The following PCSK6 variants were observed in gnomAD, a reference collection of about 807,000 sequenced individuals.
PCSK6 encodes the protein proprotein convertase subtilisin/kexin type 6, also known as paired basic amino acid cleaving enzyme 4.
Under a neutral mutation model 123.3 loss-of-function variants are expected in PCSK6, and 85 were observed. The observed-to-expected ratio is 0.69, with a 90% confidence interval of 0.58 to 0.83. PCSK6 has a LOEUF of 0.83. PCSK6 is among the 40% of genes least tolerant of loss of function. PCSK6 has a pLI of 0.00. For synonymous variants in PCSK6, 508 were observed against 516.0 expected, an observed-to-expected ratio of 0.98 and a Z score of 0.21; for missense variants, 1,191 against 1,282.3, an observed-to-expected ratio of 0.93 and a Z score of 1.09.
chr15:101,433,130 C>G (rs1435225316), intron 2 of PCSK6, among the ~76,000 whole-genome samples: 1 of 152,236 alleles, frequency 6.6e-6, no homozygotes, highest in Non-Finnish European at 1.5e-5. Context: ...TGCAATAAAA[C>G]CCAGCCCCGT....
chr15:101,469,398 G>T (rs1269753681), intron 1 of PCSK6, among the ~76,000 whole-genome samples: 8 of 152,200 alleles, frequency 5.3e-5, no homozygotes, highest in Admixed American at 5.2e-4. Flanking sequence ...ACTGTGTGCA[G>T]GCGAGAAACC....
intron 2 of PCSK6, among the ~76,000 whole-genome samples, chr15:101,436,530 A>AC (rs2056606773): frequency 6.6e-6 from 1 of 152,248 alleles, no homozygotes; most frequent in Admixed American, 6.5e-5. Flanking sequence ...CTGACTGTCC[A>AC]CCAGGGCATA....
At chr15:101,438,923 T>C (rs1596333880) in intron 2 of PCSK6, among the ~76,000 whole-genome samples, 3 of 152,032 alleles carry the variant, frequency 2.0e-5, no homozygotes, top group East Asian at 3.9e-4. Flanking sequence ...CAGGGGAAGG[T>C]GGGGAGCCGT....
chr15:101,405,793 G>C (rs779350564), intron 6 of PCSK6, among the ~76,000 whole-genome samples: 1 of 151,756 alleles, frequency 6.6e-6, no homozygotes, highest in Non-Finnish European at 1.5e-5. Context: ...GCCCAGGCTG[G>C]AGTGCAGTGG....
At chr15:101,342,754 T>C (rs2040644843) in intron 13 of PCSK6, among the ~76,000 whole-genome samples, 1 of 152,214 alleles carries the variant, frequency 6.6e-6, no homozygotes, top group African/African-American at 2.4e-5. Flanking sequence ...GTACACAAAT[T>C]AGCTGGGTGT....
intron 13 of PCSK6, among the ~76,000 whole-genome samples, chr15:101,350,279 T>C (rs2040856384): frequency 6.6e-6 from 1 of 152,236 alleles, no homozygotes; most frequent in South Asian, 2.1e-4. Flanking sequence ...ATGTTTTCTT[T>C]ACGAATTGCT....
At chr15:101,403,802 C>T (rs984128810) in intron 6 of PCSK6, among the ~76,000 whole-genome samples, 3 of 152,160 alleles carry the variant, frequency 2.0e-5, no homozygotes, top group Non-Finnish European at 4.4e-5. Context: ...TCACTGCAAC[C>T]TCCGCCTCCC....
At chr15:101,482,019 C>T (rs1184555121) in intron 1 of PCSK6, among the ~76,000 whole-genome samples, 4 of 152,326 alleles carry the variant, frequency 2.6e-5, no homozygotes, top group Admixed American at 1.3e-4. Flanking sequence ...TGCACGCACC[C>T]GGTGGACAGA....
At chr15:101,385,209 G>A (rs887760232) in intron 9 of PCSK6, among the ~76,000 whole-genome samples, 1 of 152,200 alleles carries the variant, frequency 6.6e-6, no homozygotes, top group African/African-American at 2.4e-5. Flanking sequence ...GTAGAGACGA[G>A]GTCTTGCTAT....
chr15:101,405,410 G>A, intron 6 of PCSK6, among the ~76,000 whole-genome samples: 1 of 152,174 alleles, frequency 6.6e-6, no homozygotes, highest in Non-Finnish European at 1.5e-5. Context: ...CTGTGGGTGT[G>A]AGGCGGGAGG....
chr15:101,327,227 G>A (rs779306173), intron 15 of PCSK6, among the ~76,000 whole-genome samples: 18 of 152,114 alleles, frequency 1.2e-4, no homozygotes, highest in African/African-American at 2.2e-4. Flanking sequence ...TTCTCACTCC[G>A]GAGGCTGGTG....
intron 19 of PCSK6, among the ~76,000 whole-genome samples, chr15:101,316,063 G>A (rs1481384426): frequency 1.3e-5 from 2 of 152,222 alleles, no homozygotes; most frequent in Non-Finnish European, 2.9e-5. Context: ...CACTGAATGG[G>A]AACAGGGAGG....
chr15:101,406,298 G>T (rs1222117408), intron 6 of PCSK6, among the ~76,000 whole-genome samples: 1 of 152,174 alleles, frequency 6.6e-6, no homozygotes, highest in African/African-American at 2.4e-5. Context: ...GGAAGGCAGG[G>T]AGCGGGACAC....
Position 101,463,203 on chromosome 15 carries a change from G to A in PCSK6, c.298-19543C>T, listed in dbSNP as rs1596361588. Reference sequence around the variant, plus strand: ...TGGTTGGCTCCTTTGCCCTCTGACTGTGGGTCGGTTTTGGAAACAGAAAAT... The same window carrying A: ...TGGTTGGCTCCTTTGCCCTCTGACTATGGGTCGGTTTTGGAAACAGAAAAT... On this transcript the variant is annotated intron_variant, in intron 1 of 21. Coordinates refer to ENST00000611716, the MANE Select transcript of PCSK6 (RefSeq NM_002570.5). The A allele has an allele frequency of 9.1e-6, 4 of 437,772 alleles. No individual in the cohort carries two copies. In the East Asian group the frequency reaches 2.8e-4, roughly 31 times the overall value. 27.1% of individuals were successfully genotyped at this position (437,772 alleles called of 1,614,324 possible).
rs189259205 is a variant in PCSK6, at chr15:101,315,718, C to G, written c.2570-2213G>C. On this transcript the variant is annotated intron_variant, in intron 19 of 21. Coordinates refer to ENST00000611716, the MANE Select transcript of PCSK6 (RefSeq NM_002570.5). ...GTCACAGGTGCTTGGGGCACTGCCC[C>G]GCAACTTGGTATGTGTGTGCCCTGC... Among the ~76,000 whole-genome samples the G allele has an allele frequency of 4.6e-3, 705 of 152,380 alleles. 1 individual carries two copies. Among genetic ancestry groups the G allele is most frequent in the Non-Finnish European group, 7.4e-3 (503 of 68,040 alleles).
intron 13 of PCSK6, among the ~76,000 whole-genome samples, chr15:101,348,618 A>G (rs1037396598): frequency 6.6e-6 from 1 of 152,242 alleles, no homozygotes; most frequent in Non-Finnish European, 1.5e-5. Flanking sequence ...GGCACTATGG[A>G]CAAAGATTGT....
chr15:101,462,965 G>T, intron 1 of PCSK6: 1 of 454,064 alleles, frequency 2.2e-6, no homozygotes, highest in Non-Finnish European at 4.4e-6. Flanking sequence ...GAGCAGCCTG[G>T]GAAGGCTTTG....
In PCSK6 at chr15:101,331,686, T is replaced by A; in HGVS notation, c.2042A>T (p.Gln681Leu). Residue 681 changes from glutamine to leucine, a missense_variant, in exon 15 of 22, where the codon CAA becomes CTA. By Grantham distance (113) the Gln-to-Leu change is moderately radical. Coordinates refer to ENST00000611716, the MANE Select transcript of PCSK6 (RefSeq NM_002570.5). ...AATATTAGCAGAGCCTGGGGTGGAT[T>A]GAGCTGTGTGAGTGCAAATTGCCAT... ...VPEDEEDYTA[Q>L]STPGSANILQ... is the part of the protein sequence containing the mutation. 1 of 1,613,436 alleles carries A rather than the reference T, an allele frequency of 6.2e-7. No homozygotes were observed. Among genetic ancestry groups the A allele is most frequent in the Non-Finnish European group, 8.5e-7 (1 of 1,179,620 alleles).
At chr15:101,367,037 C>T (rs375314036) in intron 12 of PCSK6, among the ~76,000 whole-genome samples, 4 of 152,120 alleles carry the variant, frequency 2.6e-5, no homozygotes, top group South Asian at 4.1e-4. Flanking sequence ...GGGAGGGGCC[C>T]GTGGAGAGCG....
Sources: allele counts gnomAD v4.1 joint callset (sites outside exome capture counted in the v4.1 genomes callset), GRCh38; gene constraint gnomAD v4.1.1; transcripts MANE v1.5; gene names NCBI Gene and HGNC (gene_info 2026-07-23, HGNC 2026-07-21).